The following SIPA1L2 variants were observed in gnomAD, a reference collection of about 807,000 sequenced individuals.
SIPA1L2 encodes the protein signal induced proliferation associated 1 like 2, also known as signal-induced proliferation-associated 1-like protein 2.
A neutral mutation model predicts 163.9 loss-of-function variants in SIPA1L2; 56 were observed. That is an observed-to-expected ratio of 0.34 (90% confidence interval 0.28 to 0.43). The LOEUF (loss-of-function observed/expected upper bound fraction) is 0.43. SIPA1L2 is among the 20% of genes least tolerant of loss of function. SIPA1L2 has a pLI of 1.00. For missense variants in SIPA1L2, 1,974 were observed against 2,193.5 expected, an observed-to-expected ratio of 0.90 and a Z score of 2.00; for synonymous variants, 877 against 865.7, an observed-to-expected ratio of 1.01 and a Z score of -0.23.
rs16856984 is a variant in SIPA1L2 at position 232,401,825 on chromosome 1, C to T, written c.5022+567G>A. Among the ~76,000 whole-genome samples the T allele has an allele frequency of 0.034, 5,239 of 152,306 alleles. 734 individuals are homozygous for T. In the East Asian group the frequency reaches 0.48, roughly 14 times the overall value. On this transcript the variant is annotated intron_variant, in intron 22 of 22. Coordinates refer to ENST00000674635, the MANE Select transcript of SIPA1L2 (RefSeq NM_020808.5). Reference sequence around the variant, plus strand: ...CAAAAACCTTCCTGTGATGCCCTCCCGCTTGCTACCGCACCCCATTCCGTT... The same window carrying T: ...CAAAAACCTTCCTGTGATGCCCTCCTGCTTGCTACCGCACCCCATTCCGTT...
At chr1:232,569,301 T>C (rs1659582034) in intron 2 of SIPA1L2, among the ~76,000 whole-genome samples, 1 of 152,204 alleles carries the variant, frequency 6.6e-6, no homozygotes, top group African/African-American at 2.4e-5. Context: ...ATGTTATATA[T>C]AGGCAACTGC....
Position 232,465,493 on chromosome 1 carries a change from T to TACACACACACACACAC in SIPA1L2, c.2244-78_2244-77insGTGTGTGTGTGTGTGT. ...TGTATCTTTCCGAATTTGACATATA[T>TACACACACACACACAC]ATACACACACACACACATATACATA... On this transcript the variant is annotated intron_variant, in intron 8 of 22. Coordinates refer to ENST00000674635, the MANE Select transcript of SIPA1L2 (RefSeq NM_020808.5). This position sits in a 1 kb window ranked among gnomAD's most constrained non-coding sequence, Gnocchi z 4.1. The TACACACACACACACAC allele has an allele frequency of 3.5e-6, 4 of 1,134,990 alleles. No individual in the cohort carries two copies. The highest frequency in any genetic ancestry group is 3.8e-6 in the Non-Finnish European group (3 of 785,388). 70.3% of individuals were successfully genotyped at this position (1,134,990 alleles called of 1,614,324 possible). A position where few individuals can be genotyped will look rare whatever the true frequency, so the allele number is the denominator to read the frequency against.
chr1:232,509,571 G>C (rs959240487), intron 3 of SIPA1L2, among the ~76,000 whole-genome samples: 1 of 152,148 alleles, frequency 6.6e-6, no homozygotes, highest in Non-Finnish European at 1.5e-5. Flanking sequence ...ATACAATGAA[G>C]CTCACCCAAC....
At chr1:232,601,356 A>G (rs552347068) in intron 1 of SIPA1L2, among the ~76,000 whole-genome samples, 2 of 152,274 alleles carry the variant, frequency 1.3e-5, no homozygotes, top group African/African-American at 4.8e-5. Context: ...CACCTTCCCT[A>G]TGTAACTCTT....
intron 4 of SIPA1L2, 50 bp downstream of exon 4, chr1:232,493,477 A>G: frequency 6.2e-7 from 1 of 1,610,412 alleles, no homozygotes; most frequent in Non-Finnish European, 8.5e-7. Context: ...CAGTAACACC[A>G]AAGGAGGTTT....
chr1:232,592,837 T>C (rs933399052), intron 1 of SIPA1L2, among the ~76,000 whole-genome samples: 2 of 152,024 alleles, frequency 1.3e-5, no homozygotes, highest in Non-Finnish European at 2.9e-5. Context: ...AAAATGCCCT[T>C]TTCTTCTCTC....
intron 1 of SIPA1L2, among the ~76,000 whole-genome samples, chr1:232,596,546 A>G (rs2102841326): frequency 6.6e-6 from 1 of 152,366 alleles, no homozygotes; most frequent in South Asian, 2.1e-4. Context: ...TGCTTACAGA[A>G]AAATAAACTG....
In SIPA1L2 at chr1:232,425,792, T is replaced by A. The variant is rs763702264; in HGVS notation, c.4427A>T (p.Asn1476Ile). Residue 1476 changes from asparagine (N) to isoleucine (I), a missense_variant, in exon 18 of 23, where the codon AAC (asparagine) becomes ATC (isoleucine). Asn to Ile is a moderately radical substitution (Grantham distance 149). This residue lies in a region of SIPA1L2 where 1,079 missense variants were observed against 1,150.7 expected (regional missense o/e 0.94). Coordinates refer to ENST00000674635, the MANE Select transcript of SIPA1L2 (RefSeq NM_020808.5). ...GTAAAGCGACCTCCTTGGAGACAGGTTCCCATAGAACGAAAACTAGGGTTT... is the reference window on the plus strand; with the variant it reads ...GTAAAGCGACCTCCTTGGAGACAGGATCCCATAGAACGAAAACTAGGGTTT... Reference protein sequence around the residue: ...EGRRKFSFYGNLSPRRSLYRT... With the variant: ...EGRRKFSFYGILSPRRSLYRT... 21 of 1,613,700 alleles carry A rather than the reference T, an allele frequency of 1.3e-5. No individual in the cohort carries two copies. The highest frequency in any genetic ancestry group is 1.6e-5 in the Non-Finnish European group (19 of 1,179,804).
At chr1:232,513,755 G>T in intron 3 of SIPA1L2, 102 bp downstream of exon 3, 2 of 1,250,398 alleles carry the variant, frequency 1.6e-6, no homozygotes, top group Non-Finnish European at 2.2e-6. Flanking sequence ...CTATGGCCTT[G>T]GACACTCTGA....
Position 232,572,746 on chromosome 1 carries a change from T to C in SIPA1L2, c.-270+1428A>G, listed in dbSNP as rs867096979. On this transcript the variant is annotated intron_variant, in intron 2 of 22. Transcript: ENST00000674635. ...ACATATATACATACATACATATATATATATATATATATATATATATATATA... is the reference window on the plus strand; with the variant it reads ...ACATATATACATACATACATATATACATATATATATATATATATATATATA... 2.7e-3 allele frequency among the ~76,000 whole-genome samples: 240 copies of C among 90,394 alleles called. 3 individuals carry two copies. Among genetic ancestry groups the C allele is most frequent in the African/African-American group, 0.01 (228 of 21,872 alleles). 59.3% of individuals were successfully genotyped at this position (90,394 alleles called of 152,430 possible). A position where few individuals can be genotyped will look rare whatever the true frequency, so the allele number is the denominator to read the frequency against.
intron 3 of SIPA1L2, among the ~76,000 whole-genome samples, chr1:232,495,290 A>G (rs1251915678): frequency 1.3e-5 from 2 of 152,176 alleles, no homozygotes; most frequent in African/African-American, 2.4e-5. Context: ...GGGGCCGGGC[A>G]CGGTGGCTCA....
chr1:232,424,833 A>G (rs1661791311), intron 18 of SIPA1L2, among the ~76,000 whole-genome samples: 1 of 152,214 alleles, frequency 6.6e-6, no homozygotes. Context: ...TGAAATGAAA[A>G]AAAACTTGGC....
chr1:232,445,496 G>A (rs771849159), intron 11 of SIPA1L2, 33 bp downstream of exon 11: 1 of 1,612,108 alleles, frequency 6.2e-7, no homozygotes, highest in East Asian at 2.2e-5. Flanking sequence ...TGATTTACAA[G>A]GGCCCCCCTT....
chr1:232,563,550 G>A (rs1191019232), intron 2 of SIPA1L2, among the ~76,000 whole-genome samples: 4 of 152,114 alleles, frequency 2.6e-5, no homozygotes, highest in Non-Finnish European at 5.9e-5. Context: ...ATTGAATATG[G>A]CTTTCAAGTT....
At chr1:232,561,940 C>T (rs1659059642) in intron 2 of SIPA1L2, among the ~76,000 whole-genome samples, 1 of 152,162 alleles carries the variant, frequency 6.6e-6, no homozygotes, top group Non-Finnish European at 1.5e-5. Context: ...TTTCCAGGGC[C>T]AGAGGTAAAG....
At chr1:232,530,061 G>T (rs1667899172) in intron 2 of SIPA1L2, among the ~76,000 whole-genome samples, 1 of 152,088 alleles carries the variant, frequency 6.6e-6, no homozygotes, top group Admixed American at 6.5e-5. Context: ...TTCTCCTGCA[G>T]TCTTTCTTGT....
At chr1:232,422,032 T>C (rs1661606254) in intron 18 of SIPA1L2, among the ~76,000 whole-genome samples, 1 of 152,146 alleles carries the variant, frequency 6.6e-6, no homozygotes, top group Non-Finnish European at 1.5e-5. Flanking sequence ...TGCCAAGGAA[T>C]AAAAGGAAAA....
chr1:232,458,965 C>T (rs553181472), intron 10 of SIPA1L2, among the ~76,000 whole-genome samples: 54 of 152,252 alleles, frequency 3.5e-4, no homozygotes, highest in African/African-American at 1.3e-3. Context: ...CATCTTAACA[C>T]GGGACTGATA....
chr1:232,527,527 T>C (rs540569746), intron 2 of SIPA1L2, among the ~76,000 whole-genome samples: 1 of 152,244 alleles, frequency 6.6e-6, no homozygotes, highest in African/African-American at 2.4e-5. Flanking sequence ...GAGTGCTAAA[T>C]ATGAAAAGGA....
Sources: allele counts gnomAD v4.1 joint callset (sites outside exome capture counted in the v4.1 genomes callset), GRCh38; gene constraint gnomAD v4.1.1; regional missense constraint gnomAD v4.1.1; non-coding constraint Gnocchi (gnomAD v3.1); transcripts MANE v1.5; gene names NCBI Gene and HGNC (gene_info 2026-07-23, HGNC 2026-07-21).